TTLL7: variants seen among roughly 807,000 people sequenced by gnomAD.
TTLL7 encodes the protein tubulin tyrosine ligase like 7, also known as tubulin polyglutamylase TTLL7.
A neutral mutation model predicts 120.2 loss-of-function variants in TTLL7; 53 were observed. The observed-to-expected ratio is 0.44, with a 90% CI of 0.35 to 0.55. The LOEUF is 0.55. Ranked by LOEUF, TTLL7 falls within the 20% of genes least tolerant of loss-of-function variation. TTLL7 has a pLI of 0.00. For synonymous variants in TTLL7, 353 were observed against 351.7 expected (o/e 1.00, Z -0.04); for missense variants, 803 against 1,054.7 (o/e 0.76, Z 3.31).
chr1:83,941,838 T>C (rs773901859), intron 7 of TTLL7, among the ~76,000 whole-genome samples: 13 of 151,914 alleles, frequency 8.6e-5, no homozygotes, highest in Non-Finnish European at 1.3e-4. Flanking sequence ...AATGAAAACA[T>C]ATCTACACAA....
intron 8 of TTLL7, among the ~76,000 whole-genome samples, chr1:83,934,814 T>C (rs1304152056): frequency 1.3e-5 from 2 of 152,178 alleles, no homozygotes; most frequent in Non-Finnish European, 1.5e-5. Context: ...TCATGTTGCT[T>C]AAACTTTGTG....
At chr1:83,921,206 A>G (rs1658625493) in intron 11 of TTLL7, 41 bp downstream of exon 11, 2 of 1,609,674 alleles carry the variant, frequency 1.2e-6, no homozygotes, top group Non-Finnish European at 1.7e-6. Flanking sequence ...CAAGTGAATT[A>G]TGCAATTTAA....
chr1:83,876,798 A>G (rs1415373455), intron 20 of TTLL7, among the ~76,000 whole-genome samples: 1 of 152,026 alleles, frequency 6.6e-6, no homozygotes, highest in Non-Finnish European at 1.5e-5. Flanking sequence ...TGTTAAATTC[A>G]CTTTATAATT....
At chr1:83,887,690 A>G (rs555811666) in intron 19 of TTLL7, among the ~76,000 whole-genome samples, 59 of 152,062 alleles carry the variant, frequency 3.9e-4, no homozygotes, top group Non-Finnish European at 7.8e-4. Flanking sequence ...CCATTGGCAA[A>G]TCTGCTTTGG....
chr1:83,904,187 T>C (rs1283606319), intron 17 of TTLL7, 28 bp from the exon 18 acceptor site: 11 of 1,576,544 alleles, frequency 7.0e-6, no homozygotes, highest in African/African-American at 6.8e-5. Flanking sequence ...CATTAAGAAA[T>C]TTACAGGTTG....
At chr1:83,998,059 CTA>C in intron 1 of TTLL7, among the ~76,000 whole-genome samples, 1 of 152,114 alleles carries the variant, frequency 6.6e-6, no homozygotes. Context: ...TTAATTAATT[CTA>C]TGTTTAATAT....
chr1:83,888,540 T>TG, intron 19 of TTLL7, among the ~76,000 whole-genome samples: 1 of 152,150 alleles, frequency 6.6e-6, no homozygotes, highest in East Asian at 1.9e-4. Context: ...TAGAACAGTC[T>TG]GTTAAGGTTT....
At chr1:83,900,286 G>A (rs970569844) in intron 18 of TTLL7, 2 of 274,814 alleles carry the variant, frequency 7.3e-6, no homozygotes, top group Middle Eastern at 4.3e-4. Flanking sequence ...AACAAAAATT[G>A]ATAGAAAGCC....
chr1:83,887,249 C>G (rs41293005), intron 19 of TTLL7: 36,975 of 1,233,880 alleles, frequency 0.03, 716 homozygotes, highest in African/African-American at 0.068. Context: ...TATAATCAAA[C>G]ACTTGGATTA....
chr1:83,949,932 G>C lies in TTLL7; in HGVS notation c.212C>G (p.Thr71Arg). ...AGAATCACACCATATAAGATTACTTGTTTCATCCTCATCTGGAGTTTTCAT... is the reference window on the plus strand; with the variant it reads ...AGAATCACACCATATAAGATTACTTCTTTCATCCTCATCTGGAGTTTTCAT... Reference protein sequence around the residue: ...GFMKTPDEDETSNLIWCDSAV... With the variant: ...GFMKTPDEDERSNLIWCDSAV... The change falls in exon 4 of 21, where the codon ACA (threonine) becomes AGA (arginine). Residue 71 changes from threonine to arginine, a missense_variant. Transcript: ENST00000260505. 3 of 1,613,362 alleles carry C rather than the reference G, an allele frequency of 1.9e-6. No homozygotes were observed. Among genetic ancestry groups the C allele is most frequent in the Non-Finnish European group, 2.5e-6 (3 of 1,179,754 alleles).
intron 1 of TTLL7, among the ~76,000 whole-genome samples, chr1:83,989,763 G>A (rs1652812704): frequency 6.6e-6 from 1 of 152,114 alleles, no homozygotes; most frequent in Non-Finnish European, 1.5e-5. Flanking sequence ...ACTGCTTTGG[G>A]CAGTATGGCC....
At chr1:83,903,250 A>G (rs1656879149) in intron 18 of TTLL7, among the ~76,000 whole-genome samples, 1 of 152,002 alleles carries the variant, frequency 6.6e-6, no homozygotes, top group Non-Finnish European at 1.5e-5. Flanking sequence ...ATAAATATAT[A>G]AATAAAATGG....
At chr1:83,909,619 T>A (rs1657513170) in intron 15 of TTLL7, among the ~76,000 whole-genome samples, 3 of 152,050 alleles carry the variant, frequency 2.0e-5, no homozygotes, top group African/African-American at 7.2e-5. Context: ...AAAAAAGACA[T>A]GTAATTAAAT....
chr1:83,902,627 T>C (rs982877594), intron 18 of TTLL7, among the ~76,000 whole-genome samples: 1 of 151,966 alleles, frequency 6.6e-6, no homozygotes, highest in African/African-American at 2.4e-5. Context: ...TCCCCTTTGA[T>C]AGATTCTCCC....
At chr1:83,892,493 TATGAACATATGA>T (rs1459786636) in intron 18 of TTLL7, among the ~76,000 whole-genome samples, 5 of 114,660 alleles carry the variant, frequency 4.4e-5, no homozygotes, top group Admixed American at 2.8e-4. Context: ...TGAACATATA[TATGAACATATGA>T]ATGAACATAT....
At chr1:83,965,804 C>T (rs1363988052) in intron 1 of TTLL7, among the ~76,000 whole-genome samples, 2 of 152,092 alleles carry the variant, frequency 1.3e-5, no homozygotes, top group African/African-American at 2.4e-5. Flanking sequence ...TCTTTCTCAT[C>T]AGCAGATCTG....
At chr1:83,884,514 A>T (rs866270131) in intron 19 of TTLL7, among the ~76,000 whole-genome samples, 1 of 151,870 alleles carries the variant, frequency 6.6e-6, no homozygotes, top group African/African-American at 2.4e-5. Flanking sequence ...AATGAATGAC[A>T]GGTTTTCTTA....
At chr1:83,918,495 AAAGT>A (rs1215363035) in intron 13 of TTLL7, among the ~76,000 whole-genome samples, 2 of 152,286 alleles carry the variant, frequency 1.3e-5, no homozygotes, top group South Asian at 2.1e-4. Flanking sequence ...AGAAATGTGT[AAAGT>A]AAGTTACTCT....
Position 83,867,912 on chromosome 1 carries a change from G to A in TTLL7, c.*2050C>T, listed in dbSNP as rs916558895. The A allele has an allele frequency of 6.6e-6, 1 of 152,048 alleles. No homozygotes were observed. Among genetic ancestry groups the A allele is most frequent in the African/African-American group, 2.4e-5 (1 of 41,424 alleles). 9.4% of individuals were successfully genotyped at this position (152,048 alleles called of 1,614,324 possible). A position where few individuals can be genotyped will look rare whatever the true frequency, so the allele number is the denominator to read the frequency against. ...TTCACAAAATGGAGTCATAAACAGTGTAGTCACTGTAATTTCCTTCATTCT... is the reference window on the plus strand; with the variant it reads ...TTCACAAAATGGAGTCATAAACAGTATAGTCACTGTAATTTCCTTCATTCT... On this transcript the variant is annotated 3_prime_UTR_variant, in exon 21 of 21. Coordinates refer to ENST00000260505, the MANE Select transcript of TTLL7 (RefSeq NM_024686.6).
Sources: gnomAD v4.1 joint callset for allele counts (sites outside exome capture counted in the v4.1 genomes callset) on GRCh38, gnomAD v4.1.1 for gene constraint, MANE v1.5 for transcripts, NCBI Gene and HGNC (gene_info 2026-07-23, HGNC 2026-07-21) for gene names.